AMOTL1: variants seen among roughly 807,000 people sequenced by gnomAD.
AMOTL1 encodes the protein angiomotin-like protein 1.
Under a neutral mutation model 102.9 loss-of-function variants are expected in AMOTL1, and 45 were observed. The observed-to-expected ratio is 0.44, with a 90% confidence interval of 0.34 to 0.56. The LOEUF (loss-of-function observed/expected upper bound fraction) is 0.56, where lower values mean the gene tolerates loss of function less well. Among genes scored for constraint, AMOTL1 ranks in the 20% least tolerant of loss-of-function variants. The pLI is 0.01. For missense variants in AMOTL1, 1,114 were observed against 1,225.6 expected (o/e 0.91, Z 1.36); for synonymous variants, 481 against 484.7 (o/e 0.99, Z 0.10).
chr11:94,766,521 A>G (rs1950856649), upstream of AMOTL1, among the ~76,000 whole-genome samples: 1 of 152,220 alleles, frequency 6.6e-6, no homozygotes, highest in African/African-American at 2.4e-5. Flanking sequence ...CCTAGACTAT[A>G]GGATGGTATC....
chr11:94,773,536 G>T (rs1284945946), intron 1 of AMOTL1, among the ~76,000 whole-genome samples: 3 of 152,202 alleles, frequency 2.0e-5, no homozygotes, highest in Non-Finnish European at 4.4e-5. Flanking sequence ...TTACTACTAT[G>T]ATGGGGACAC....
chr11:94,817,298 T>C (rs1484315206), intron 3 of AMOTL1, among the ~76,000 whole-genome samples: 1 of 152,162 alleles, frequency 6.6e-6, no homozygotes, highest in Non-Finnish European at 1.5e-5. Flanking sequence ...TGTTTTGTGA[T>C]ATGAAGTGTT....
At chr11:94,757,816 C>A (rs1950744756) in intron 3 of AMOTL1, among the ~76,000 whole-genome samples, 2 of 152,190 alleles carry the variant, frequency 1.3e-5, no homozygotes, top group African/African-American at 4.8e-5. Context: ...AATCCCAGCA[C>A]TTTGGTAGGC....
chr11:94,844,858 G>A (rs775043931), intron 6 of AMOTL1, among the ~76,000 whole-genome samples: 12 of 152,144 alleles, frequency 7.9e-5, no homozygotes, highest in Admixed American at 1.3e-4. Context: ...GCACTCCAGT[G>A]ACTTAGACAC....
intron 3 of AMOTL1, among the ~76,000 whole-genome samples, chr11:94,803,087 T>C (rs1951506500): frequency 1.3e-5 from 2 of 152,338 alleles, no homozygotes; most frequent in Admixed American, 1.3e-4. Context: ...CCCATACTGG[T>C]GGGCTCAGTA....
intron 2 of AMOTL1, among the ~76,000 whole-genome samples, chr11:94,732,337 C>T (rs979059076): frequency 1.4e-4 from 21 of 152,136 alleles, no homozygotes; most frequent in Non-Finnish European, 7.4e-5. Context: ...CAGAGCATCT[C>T]GGGCTGCAAT....
intron 3 of AMOTL1, among the ~76,000 whole-genome samples, chr11:94,752,152 G>GCT (rs960325836): frequency 3.9e-5 from 6 of 151,938 alleles, no homozygotes; most frequent in Non-Finnish European, 2.9e-5. Context: ...TTCATGGTTT[G>GCT]CTCTCTCTCT....
At chr11:94,834,326 G>A (rs371474023) in intron 6 of AMOTL1, among the ~76,000 whole-genome samples, 11 of 152,254 alleles carry the variant, frequency 7.2e-5, no homozygotes, top group East Asian at 3.9e-4. Context: ...GGTGGCTCAC[G>A]CCTGTAATCC....
intron 3 of AMOTL1, among the ~76,000 whole-genome samples, chr11:94,805,564 CA>C (rs750935979): frequency 1.1e-4 from 17 of 152,148 alleles, no homozygotes; most frequent in South Asian, 2.1e-4. Flanking sequence ...TGACTCCTGT[CA>C]ATGAAAAGAA....
chr11:94,854,441 G>T (rs1952617256), intron 8 of AMOTL1, among the ~76,000 whole-genome samples: 1 of 152,208 alleles, frequency 6.6e-6, no homozygotes, highest in Non-Finnish European at 1.5e-5. Context: ...AAAGGACAGG[G>T]CCCTGAAACG....
At chr11:94,780,972 G>C (rs924936081) in intron 1 of AMOTL1, among the ~76,000 whole-genome samples, 1 of 151,992 alleles carries the variant, frequency 6.6e-6, no homozygotes, top group Admixed American at 6.6e-5. Context: ...TAATAGTGTG[G>C]TCTTTTGGCT....
intron 3 of AMOTL1, among the ~76,000 whole-genome samples, chr11:94,819,655 C>T (rs771867101): frequency 1.1e-4 from 16 of 152,162 alleles, no homozygotes; most frequent in Non-Finnish European, 1.6e-4. Flanking sequence ...TACTGATTGA[C>T]GTCTCGTGTC....
rs565403768 is a variant in AMOTL1, at chr11:94,864,786, G to A, written c.2187G>A (p.Ser729=). The change falls in exon 10 of 13, where the codon TCG becomes TCA. Residue 729 remains serine, a synonymous_variant. Coordinates refer to ENST00000433060, the MANE Select transcript of AMOTL1 (RefSeq NM_130847.3). ...GGAATGGCAGCTACGGAGAGAGCTC[G>A]CTGGAGGCCCACATCTGGCAAGAGG... ...HSRNGSYGES[S]LEAHIWQEEE... The A allele has an allele frequency of 6.4e-4, 1,040 of 1,613,820 alleles. 12 individuals are homozygous for A. The South Asian group carries it at 0.01, about 16-fold the overall frequency.
At chr11:94,750,285 A>G (rs1261930147) in intron 3 of AMOTL1, among the ~76,000 whole-genome samples, 2 of 152,142 alleles carry the variant, frequency 1.3e-5, no homozygotes, top group African/African-American at 4.8e-5. Context: ...GAAACACCAT[A>G]TTGAGACCCG....
At chr11:94,775,996 A>T (rs1951021901) in intron 1 of AMOTL1, among the ~76,000 whole-genome samples, 1 of 152,262 alleles carries the variant, frequency 6.6e-6, no homozygotes, top group African/African-American at 2.4e-5. Context: ...CACTCATGGG[A>T]TTCTTCCAGG....
chr11:94,767,040 C>T (rs1482977009), upstream of AMOTL1, among the ~76,000 whole-genome samples: 1 of 152,088 alleles, frequency 6.6e-6, no homozygotes, highest in African/African-American at 2.4e-5. Context: ...CACCACCCTC[C>T]CAGGCTTTTC....
At chr11:94,803,089 G>C (rs185857016) in intron 3 of AMOTL1, among the ~76,000 whole-genome samples, 166 of 152,238 alleles carry the variant, frequency 1.1e-3, no homozygotes, top group African/African-American at 3.8e-3. Flanking sequence ...CATACTGGTG[G>C]GCTCAGTATG....
chr11:94,788,410 C>T (rs968370744), intron 1 of AMOTL1, among the ~76,000 whole-genome samples: 1 of 152,184 alleles, frequency 6.6e-6, no homozygotes, highest in Non-Finnish European at 1.5e-5. Context: ...CAGTCCTATG[C>T]TTTTGTTTTT....
At chr11:94,851,747 A>G (rs1462392774) in intron 7 of AMOTL1, among the ~76,000 whole-genome samples, 1 of 152,232 alleles carries the variant, frequency 6.6e-6, no homozygotes, top group Non-Finnish European at 1.5e-5. Context: ...ATGAGATACT[A>G]CATATAAAGC....
Sources: gnomAD v4.1 joint callset for allele counts (sites outside exome capture counted in the v4.1 genomes callset) on GRCh38, gnomAD v4.1.1 for gene constraint, MANE v1.5 for transcripts, NCBI Gene and HGNC (gene_info 2026-07-23, HGNC 2026-07-21) for gene names.